Variants in GPC6 observed in about 807,000 individuals in gnomAD.
GPC6 encodes glypican-6.
A neutral mutation model predicts 55.2 loss-of-function variants in GPC6; 14 were observed. The ratio of observed to expected loss-of-function variants is 0.25; its 90% CI spans 0.17 to 0.40. The LOEUF is 0.40. Ranked by LOEUF, GPC6 falls within the 10% of genes least tolerant of loss-of-function variation. GPC6 has a pLI of 1.00. For synonymous variants in GPC6, 278 were observed against 259.6 expected (o/e 1.07, Z -0.68); for missense variants, 641 against 708.5 (o/e 0.90, Z 1.08).
rs66499161 is a variant in GPC6, at chr13:94,133,267, C to CAAAAAAA, written c.877+105392_877+105398dup. On this transcript the variant is annotated intron_variant, in intron 4 of 8. Coordinates refer to ENST00000377047, the MANE Select transcript of GPC6 (RefSeq NM_005708.5). The stretch of plus-strand genomic sequence containing the variant: ...CCACCATACAGGTACTGACCAGTGA[C>CAAAAAAA]AAAAAAAAAAAAAAAAAAAAAAAAA... 2.3e-3 allele frequency among the ~76,000 whole-genome samples: 192 copies of CAAAAAAA among 85,048 alleles called. 8 individuals are homozygous for CAAAAAAA. Among genetic ancestry groups the CAAAAAAA allele is most frequent in the African/African-American group, 8.0e-3 (160 of 20,050 alleles). 55.8% of individuals were successfully genotyped at this position (85,048 alleles called of 152,430 possible).
chr13:94,118,441 C>T (rs559286093), intron 4 of GPC6, among the ~76,000 whole-genome samples: 4 of 152,154 alleles, frequency 2.6e-5, no homozygotes, highest in South Asian at 2.1e-4. Flanking sequence ...TACCCAGTCT[C>T]GGGAAGTTCT....
intron 3 of GPC6, among the ~76,000 whole-genome samples, chr13:93,949,107 C>T (rs147543268): frequency 8.2e-4 from 125 of 152,212 alleles, no homozygotes; most frequent in South Asian, 4.6e-3. Flanking sequence ...TCTACATTTC[C>T]AGTGGCAAAG....
At chr13:93,626,801 C>CAAA (rs57272841) in intron 2 of GPC6, among the ~76,000 whole-genome samples, 76 of 67,498 alleles carry the variant, frequency 1.1e-3, no homozygotes, top group African/African-American at 3.8e-3. Context: ...GACTGCATCT[C>CAAA]AAAAAAAAAA....
At chr13:93,888,765 A>G (rs1422992535) in intron 3 of GPC6, among the ~76,000 whole-genome samples, 1 of 152,160 alleles carries the variant, frequency 6.6e-6, no homozygotes, top group Non-Finnish European at 1.5e-5. Context: ...ATTAGAGTAA[A>G]TTACTCCTGA....
chr13:93,847,603 T>C (rs1888231633), intron 3 of GPC6, among the ~76,000 whole-genome samples: 1 of 152,172 alleles, frequency 6.6e-6, no homozygotes, highest in African/African-American at 2.4e-5. Context: ...ATTACTTGGG[T>C]GCATACGGTG....
At chr13:93,685,969 C>T (rs1474063222) in intron 2 of GPC6, among the ~76,000 whole-genome samples, 3 of 152,150 alleles carry the variant, frequency 2.0e-5, no homozygotes, top group Admixed American at 6.6e-5. Flanking sequence ...GCCAGGTTCT[C>T]TGACTTTAAA....
intron 1 of GPC6, among the ~76,000 whole-genome samples, chr13:93,319,375 G>C (rs750075803): frequency 3.0e-4 from 45 of 152,086 alleles, no homozygotes; most frequent in Non-Finnish European, 5.7e-4. Context: ...AAGGAAATTG[G>C]AGAAACTAAA....
At chr13:94,027,308 C>T (rs908449478) in intron 3 of GPC6, among the ~76,000 whole-genome samples, 3 of 152,072 alleles carry the variant, frequency 2.0e-5, no homozygotes, top group Non-Finnish European at 1.5e-5. Context: ...TTTGAAGAAA[C>T]GTTATGTACA....
intron 3 of GPC6, among the ~76,000 whole-genome samples, chr13:93,854,407 T>C (rs1433328646): frequency 6.6e-6 from 1 of 151,704 alleles, no homozygotes; most frequent in African/African-American, 2.4e-5. Context: ...AATGCTAGGG[T>C]ATTTTTCCCC....
At chr13:94,029,947 A>G (rs1291284739) in intron 4 of GPC6, among the ~76,000 whole-genome samples, 1 of 152,128 alleles carries the variant, frequency 6.6e-6, no homozygotes, top group Non-Finnish European at 1.5e-5. Flanking sequence ...TACTTTAATG[A>G]AAAGCAAGCG....
At chr13:93,983,051 T>A (rs1880875244) in intron 3 of GPC6, among the ~76,000 whole-genome samples, 1 of 152,006 alleles carries the variant, frequency 6.6e-6, no homozygotes. Context: ...GGAAATAAAA[T>A]CTTCTGCCTT....
At chr13:93,333,841 A>G (rs1340420667) in intron 1 of GPC6, among the ~76,000 whole-genome samples, 1 of 152,164 alleles carries the variant, frequency 6.6e-6, no homozygotes, top group African/African-American at 2.4e-5. Context: ...CCAAGCCACC[A>G]AACGCTACTG....
intron 2 of GPC6, among the ~76,000 whole-genome samples, chr13:93,794,686 G>A (rs4274305): frequency 0.32 from 48,561 of 151,888 alleles, 8,058 homozygotes; most frequent in African/African-American, 0.4. Flanking sequence ...CCCGTCAGGG[G>A]GGATACTAAT....
In GPC6 at chr13:93,612,659, G is replaced by A. The variant is rs577313894; in HGVS notation, c.319+67238G>A. ...TATTCAAGTCTCTCTTCTCCAAATA[G>A]GGAGTAAATTAGGAAGTGCAAAACT... On this transcript the variant is annotated intron_variant, in intron 2 of 8. Coordinates refer to ENST00000377047, the MANE Select transcript of GPC6 (RefSeq NM_005708.5). Among the ~76,000 whole-genome samples, 14 of 152,190 alleles carry A rather than the reference G, an allele frequency of 9.2e-5. No individual in the cohort carries two copies. In the East Asian group the frequency reaches 2.5e-3, roughly 27 times the overall value.
intron 3 of GPC6, among the ~76,000 whole-genome samples, chr13:93,920,563 A>C (rs969784319): frequency 6.6e-6 from 1 of 152,098 alleles, no homozygotes; most frequent in Non-Finnish European, 1.5e-5. Context: ...GATTTCTTTT[A>C]ATGAGTCCAC....
chr13:93,631,259 G>A (rs1434936408), intron 2 of GPC6, among the ~76,000 whole-genome samples: 1 of 152,132 alleles, frequency 6.6e-6, no homozygotes, highest in Non-Finnish European at 1.5e-5. Context: ...AGGAAAAGGA[G>A]GAGCCAGGCT....
At chr13:94,190,091 A>T (rs1889338104) in intron 4 of GPC6, among the ~76,000 whole-genome samples, 1 of 151,882 alleles carries the variant, frequency 6.6e-6, no homozygotes, top group Non-Finnish European at 1.5e-5. Context: ...TGGGAGGCCA[A>T]GGGGGGCAGA....
chr13:93,983,144 TAA>T (rs1880878671), intron 3 of GPC6, among the ~76,000 whole-genome samples: 1 of 152,148 alleles, frequency 6.6e-6, no homozygotes, highest in Non-Finnish European at 1.5e-5. Context: ...TTCAGAAAAT[TAA>T]GAGAAGAGAA....
intron 4 of GPC6, among the ~76,000 whole-genome samples, chr13:94,148,404 C>G (rs1006248198): frequency 2.6e-5 from 4 of 152,106 alleles, no homozygotes; most frequent in African/African-American, 9.7e-5. Context: ...CAGGAAACAT[C>G]TTGTTTACAA....
Sources: allele counts gnomAD v4.1 joint callset (sites outside exome capture counted in the v4.1 genomes callset), GRCh38; gene constraint gnomAD v4.1.1; transcripts MANE v1.5; gene names NCBI Gene and HGNC (gene_info 2026-07-23, HGNC 2026-07-21).